Variants in GLI2 observed in about 807,000 individuals in gnomAD.
The protein encoded by GLI2 is GLI family zinc finger 2.
Under a neutral mutation model 78.9 loss-of-function variants are expected in GLI2, and 22 were observed. The ratio of observed to expected loss-of-function variants is 0.28; its 90% confidence interval spans 0.20 to 0.40. GLI2 has a LOEUF of 0.40. Ranked by LOEUF, GLI2 falls within the 10% of genes least tolerant of loss-of-function variation. GLI2 has a pLI of 1.00. For synonymous variants in GLI2, 974 were observed against 963.7 expected (o/e 1.01, Z -0.20); for missense variants, 2,097 against 2,213.2 (o/e 0.95, Z 1.05).
chr2:120,956,928 C>T (rs1472259686), intron 5 of GLI2, among the ~76,000 whole-genome samples: 6 of 152,134 alleles, frequency 3.9e-5, no homozygotes, highest in African/African-American at 1.2e-4. Context: ...GCTGACATCT[C>T]GCCTCCTCCA....
chr2:120,958,271 TA>T (rs1313229542), intron 5 of GLI2, among the ~76,000 whole-genome samples: 5 of 152,218 alleles, frequency 3.3e-5, no homozygotes, highest in Non-Finnish European at 7.3e-5. Context: ...GGTGCTGGAA[TA>T]ATGCTGGTGC....
intron 2 of GLI2, among the ~76,000 whole-genome samples, chr2:120,877,271 A>T (rs1688801142): frequency 6.6e-6 from 1 of 152,216 alleles, no homozygotes; most frequent in South Asian, 2.1e-4. Context: ...ACCCTGGGTC[A>T]CTTATTTGTT....
At chr2:120,783,053 A>G (rs1395563638) in intron 1 of GLI2, among the ~76,000 whole-genome samples, 1 of 152,134 alleles carries the variant, frequency 6.6e-6, no homozygotes, top group African/African-American at 2.4e-5. Flanking sequence ...GCACACTGCA[A>G]AGAGTCATGG....
intron 9 of GLI2, among the ~76,000 whole-genome samples, chr2:120,978,201 G>T (rs576441302): frequency 1.3e-5 from 2 of 152,214 alleles, no homozygotes; most frequent in South Asian, 4.1e-4. Context: ...ATGAGGAGGC[G>T]TGGCCCGGCT....
intron 2 of GLI2, among the ~76,000 whole-genome samples, chr2:120,909,252 G>C (rs940424428): frequency 5.9e-5 from 9 of 151,878 alleles, no homozygotes; most frequent in Admixed American, 2.0e-4. Flanking sequence ...CTCCCACCTG[G>C]TGTTCCCTGC....
At chr2:120,853,232 A>T (rs1412986505) in intron 2 of GLI2, among the ~76,000 whole-genome samples, 1 of 152,192 alleles carries the variant, frequency 6.6e-6, no homozygotes, top group African/African-American at 2.4e-5. Flanking sequence ...GAGAAGGTGC[A>T]GGCAGACCAG....
chr2:120,791,454 G>A (rs774581181), intron 1 of GLI2, among the ~76,000 whole-genome samples: 22 of 152,246 alleles, frequency 1.4e-4, no homozygotes, highest in Non-Finnish European at 2.1e-4. Context: ...GCCTCAGGCC[G>A]TGAGTCGGCT....
intron 2 of GLI2, among the ~76,000 whole-genome samples, chr2:120,898,122 A>T (rs1368407544): frequency 6.7e-6 from 1 of 149,290 alleles, no homozygotes; most frequent in Admixed American, 6.7e-5. Flanking sequence ...TCCACCCCCT[A>T]CTCCCTCGAA....
chr2:120,957,543 C>T (rs961898702), intron 5 of GLI2, among the ~76,000 whole-genome samples: 2 of 152,242 alleles, frequency 1.3e-5, no homozygotes, highest in African/African-American at 4.8e-5. Context: ...ATGTCAGCTT[C>T]CTGCAAGCAG....
intron 3 of GLI2, among the ~76,000 whole-genome samples, chr2:120,941,396 C>A (rs1680441034): frequency 6.6e-6 from 1 of 152,182 alleles, no homozygotes; most frequent in Non-Finnish European, 1.5e-5. Flanking sequence ...AAAACTCAAA[C>A]CAACAAACGA....
chr2:120,816,207 T>G (rs967649109), intron 2 of GLI2, among the ~76,000 whole-genome samples: 1 of 151,416 alleles, frequency 6.6e-6, no homozygotes, highest in African/African-American at 2.4e-5. Context: ...TTTTTTTTTT[T>G]TGAGACTGAG....
rs549672238 is a variant in GLI2, at chr2:120,795,457, A to G, written c.-30-1834A>G. Among the ~76,000 whole-genome samples, 5 of 150,844 alleles carry G rather than the reference A, an allele frequency of 3.3e-5. No individual in the cohort carries two copies. The South Asian group carries it at 6.5e-4, about 19-fold the overall frequency. On this transcript the variant is annotated intron_variant, in intron 1 of 13. Transcript: ENST00000361492. ...AGAATCTTTTGAATCTGGGTGGTGG[A>G]GGTTGCAGTGAGCTGAGGTCACACC...
intron 2 of GLI2, among the ~76,000 whole-genome samples, chr2:120,898,753 C>T (rs538471982): frequency 6.6e-6 from 1 of 152,228 alleles, no homozygotes; most frequent in African/African-American, 2.4e-5. Flanking sequence ...GTTATTTTCT[C>T]AGATAGAGAA....
intron 1 of GLI2, among the ~76,000 whole-genome samples, chr2:120,761,363 C>A (rs1039424353): frequency 1.5e-4 from 23 of 152,072 alleles, no homozygotes; most frequent in Admixed American, 5.9e-4. Flanking sequence ...GGATTCCCAC[C>A]GCCCAGCCCA....
rs183181512 is a variant in GLI2 at position 120,875,211 on chromosome 2, C to T, written c.149-52150C>T. 2.4e-3 allele frequency among the ~76,000 whole-genome samples: 361 copies of T among 152,368 alleles called. 6 individuals are homozygous for T. The highest frequency in any genetic ancestry group is 0.021 in the Admixed American group (329 of 15,308). The stretch of plus-strand genomic sequence containing the variant: ...GACAGGCATGTGCCATGCATGTCAG[C>T]ACTCAGTGTCTGAGCAGAGTTAGGC... On this transcript the variant is annotated intron_variant, in intron 2 of 13. Coordinates refer to ENST00000361492, the MANE Select transcript of GLI2 (RefSeq NM_001374353.1).
chr2:120,970,254 T>A, intron 6 of GLI2, 139 bp from the exon 7 acceptor site: 1 of 635,498 alleles, frequency 1.6e-6, no homozygotes. Flanking sequence ...GGTTCTTGAG[T>A]GAGGAAGCCA....
intron 1 of GLI2, among the ~76,000 whole-genome samples, chr2:120,776,362 G>A (rs1054203293): frequency 6.6e-6 from 1 of 152,192 alleles, no homozygotes; most frequent in Non-Finnish European, 1.5e-5. Context: ...AGGCCCAGTG[G>A]GCTCTGGGAT....
intron 2 of GLI2, among the ~76,000 whole-genome samples, chr2:120,861,985 CA>C (rs1687924541): frequency 6.6e-6 from 1 of 152,174 alleles, no homozygotes; most frequent in African/African-American, 2.4e-5. Flanking sequence ...AGGGGTGAAC[CA>C]CCCCAGATGG....
chr2:120,906,015 G>A (rs553424930), intron 2 of GLI2, among the ~76,000 whole-genome samples: 42 of 152,338 alleles, frequency 2.8e-4, no homozygotes, highest in African/African-American at 1.0e-3. Flanking sequence ...AAGGAGGGCC[G>A]GCGCTTCTCG....
Sources: gnomAD v4.1 joint callset for allele counts (sites outside exome capture counted in the v4.1 genomes callset) on GRCh38, gnomAD v4.1.1 for gene constraint, MANE v1.5 for transcripts, NCBI Gene and HGNC (gene_info 2026-07-23, HGNC 2026-07-21) for gene names.